Variants in WAC observed in about 807,000 individuals in gnomAD.
WAC encodes WW domain-containing adapter protein with coiled-coil.
Under a neutral mutation model 79.6 loss-of-function variants are expected in WAC, and 11 were observed. The observed-to-expected ratio is 0.14, with a 90% CI of 0.09 to 0.23. WAC has a LOEUF of 0.23. Ranked by LOEUF, WAC falls within the 10% of genes least tolerant of loss-of-function variation. The pLI, the probability that WAC is intolerant of heterozygous loss-of-function variation, is 1.00. For missense variants in WAC, 728 were observed against 773.5 expected (o/e 0.94, Z 0.70); for synonymous variants, 304 against 276.9 (o/e 1.10, Z -0.97).
At chr10:28,610,950 A>G (rs553142109) in intron 9 of WAC, 129 bp downstream of exon 9, 1 of 1,130,426 alleles carries the variant, frequency 8.8e-7, no homozygotes, top group Non-Finnish European at 1.2e-6. Context: ...AGCTACAATA[A>G]TTTTGTTTTT....
At chr10:28,584,231 ATAG>A (rs1408476251) in intron 4 of WAC, among the ~76,000 whole-genome samples, 1 of 152,206 alleles carries the variant, frequency 6.6e-6, no homozygotes, top group African/African-American at 2.4e-5. Context: ...GGTGAGGAAG[ATAG>A]TAAAGTATAA....
intron 3 of WAC, among the ~76,000 whole-genome samples, chr10:28,573,885 A>G (rs1208184981): frequency 1.3e-5 from 2 of 149,152 alleles, no homozygotes; most frequent in African/African-American, 5.0e-5. Context: ...CCTCAGCTCT[A>G]AGAAACTATT....
intron 3 of WAC, among the ~76,000 whole-genome samples, chr10:28,559,107 T>G (rs1044726053): frequency 6.9e-6 from 1 of 145,472 alleles, no homozygotes; most frequent in African/African-American, 2.6e-5. Flanking sequence ...GACAACAGAT[T>G]AGTTAAATCT....
At chr10:28,547,441 AG>A (rs1837415796) in intron 3 of WAC, among the ~76,000 whole-genome samples, 1 of 152,108 alleles carries the variant, frequency 6.6e-6, no homozygotes, top group East Asian at 1.9e-4. Flanking sequence ...AGGCTGAGGC[AG>A]GAGAATCACT....
intron 1 of WAC, 100 bp from the exon 2 acceptor site, chr10:28,533,898 G>T (rs1446159287): frequency 6.9e-7 from 1 of 1,441,952 alleles, no homozygotes; most frequent in Non-Finnish European, 9.6e-7. Context: ...CGCTCGGTAG[G>T]TCTCCCGCGG....
At chr10:28,539,970 T>C (rs1236588588) in intron 3 of WAC, among the ~76,000 whole-genome samples, 1 of 152,184 alleles carries the variant, frequency 6.6e-6, no homozygotes, top group Non-Finnish European at 1.5e-5. Flanking sequence ...TTGAAGGAAT[T>C]AGTAGGGATT....
In WAC at chr10:28,533,871, G is replaced by A; in HGVS notation, c.42-127G>A. On this transcript the variant is annotated intron_variant, in intron 1 of 13. Transcript: ENST00000354911. Reference sequence around the variant, plus strand: ...CTCCGGGTTTGTGCCGTGTGCGTGCGGGGCTCGGCGCTGGGGCGCTCGGTA... The same window carrying A: ...CTCCGGGTTTGTGCCGTGTGCGTGCAGGGCTCGGCGCTGGGGCGCTCGGTA... 9 of 1,222,152 alleles carry A rather than the reference G, an allele frequency of 7.4e-6. No individual in the cohort carries two copies. In the South Asian group the frequency reaches 8.0e-5, roughly 11 times the overall value. The allele number at this position is 1,222,152 out of a possible 1,614,324, so 75.7% of individuals were successfully genotyped here.
intron 3 of WAC, 62 bp downstream of exon 3, chr10:28,535,819 C>T (rs537448035): frequency 2.2e-5 from 30 of 1,356,744 alleles, no homozygotes; most frequent in African/African-American, 5.9e-5. Flanking sequence ...ATATAAAAGG[C>T]GGCAGTAGTA....
Position 28,581,542 on chromosome 10 carries a change from T to TTTTG in WAC, c.275-1833_275-1830dup, listed in dbSNP as rs548725389. 1.4e-3 allele frequency among the ~76,000 whole-genome samples: 207 copies of TTTTG among 152,024 alleles called. 1 individual carries two copies. The highest frequency in any genetic ancestry group is 4.4e-3 in the South Asian group (21 of 4,802). On this transcript the variant is annotated intron_variant, in intron 3 of 13. Transcript: ENST00000354911. The stretch of plus-strand genomic sequence containing the variant: ...TTAACTTTTCCTGTATACTCAGCCT[T>TTTTG]TTTGTTTGTTTGTTTGTTTGTTTGT...
At chr10:28,597,539 C>T (rs1840443147) in intron 7 of WAC, among the ~76,000 whole-genome samples, 1 of 152,150 alleles carries the variant, frequency 6.6e-6, no homozygotes, top group Non-Finnish European at 1.5e-5. Context: ...TTCCTGCTTA[C>T]ATATCAGCAT....
intron 10 of WAC, among the ~76,000 whole-genome samples, chr10:28,612,744 G>C (rs1299054443): frequency 6.6e-6 from 1 of 152,094 alleles, no homozygotes; most frequent in Admixed American, 6.6e-5. Flanking sequence ...GCATGTTTTA[G>C]GGTCAATTTA....
chr10:28,581,087 A>T (rs1349590489), intron 3 of WAC, among the ~76,000 whole-genome samples: 12 of 152,078 alleles, frequency 7.9e-5, no homozygotes. Flanking sequence ...AGCTCACTAG[A>T]GATTTAGTGT....
In WAC at chr10:28,614,701, A is replaced by T. The variant is rs747328430; in HGVS notation, c.1556+16A>T. 6.4e-6 allele frequency: 10 copies of T among 1,565,778 alleles called. No individual in the cohort carries two copies. The highest frequency in any genetic ancestry group is 3.3e-5 in the South Asian group (3 of 89,716). ...AGCGCTCAAGGTAGGTTGATATTGT[A>T]TATTGAGACCACATTGTTTTATTTA... On this transcript the variant is annotated intron_variant, in intron 11 of 13. Coordinates refer to ENST00000354911, the MANE Select transcript of WAC (RefSeq NM_016628.5).
chr10:28,617,613 G>A lies in WAC; in HGVS notation c.1747-44G>A, dbSNP rs769871701. 2.5e-5 allele frequency: 37 copies of A among 1,497,452 alleles called. 1 individual carries two copies. In the South Asian group the frequency reaches 5.0e-4, roughly 20 times the overall value. The allele number at this position is 1,497,452 out of a possible 1,614,324, so 92.8% of individuals were successfully genotyped here. A position where few individuals can be genotyped will look rare whatever the true frequency, so the allele number is the denominator to read the frequency against. On this transcript the variant is annotated intron_variant, in intron 12 of 13. Transcript: ENST00000354911. ...AAATTTAATGTTTTATTTTGTGTAT[G>A]TTAATGTTTATATTTTATGTTTTCT...
At chr10:28,536,990 C>G (rs2132316764) in intron 3 of WAC, among the ~76,000 whole-genome samples, 1 of 152,286 alleles carries the variant, frequency 6.6e-6, no homozygotes, top group Admixed American at 6.5e-5. Flanking sequence ...CATCTTGCCC[C>G]TTTTGTCCAC....
intron 3 of WAC, among the ~76,000 whole-genome samples, chr10:28,567,661 C>T (rs1476240970): frequency 6.6e-6 from 1 of 152,202 alleles, no homozygotes; most frequent in Non-Finnish European, 1.5e-5. Context: ...TCTCTCCCAC[C>T]TCTTCTGCCT....
At position 28,596,015 on chromosome 10, in the gene WAC, T is replaced by A; in HGVS notation, c.893T>A (p.Val298Asp). The A allele has an allele frequency of 6.2e-7, 1 of 1,613,962 alleles. No individual in the cohort carries two copies. The highest frequency in any genetic ancestry group is 8.5e-7 in the Non-Finnish European group (1 of 1,179,922). Residue 298 changes from valine (V) to aspartate (D), a missense_variant, in exon 7 of 14, where the codon GTC (valine) becomes GAC (aspartate). By Grantham distance (152) the Val-to-Asp change is radical. Transcript: ENST00000354911. The part of the protein sequence containing the change: ...LSKLPTPTSS[V>D]PAQKTERKES... ...AAACTGCCTACACCCACATCTTCTG[T>A]CCCTGCACAGAAAACAGAAAGAAAA... is the stretch of plus-strand genomic sequence containing the variant.
rs767225783 is a variant in WAC at position 28,533,998 on chromosome 10, C to G, written c.42C>G (p.Gly14=). The change falls in exon 2 of 14, where the codon GGC becomes GGG. Residue 14 remains glycine, a splice_region_variant and synonymous_variant. Transcript: ENST00000354911. ...YARKQQRLSD[G]CHDRRGDSQP... ...GCTGCCTTCTCTTCCTGTTTTTCAG[C>G]TGTCACGACCGGAGGGGGGACTCGC... The G allele has an allele frequency of 1.2e-6, 2 of 1,604,210 alleles. No individual in the cohort carries two copies. The highest frequency in any genetic ancestry group is 8.5e-7 in the Non-Finnish European group (1 of 1,175,568).
chr10:28,578,328 T>C (rs1839356595), intron 3 of WAC, among the ~76,000 whole-genome samples: 1 of 152,216 alleles, frequency 6.6e-6, no homozygotes, highest in Non-Finnish European at 1.5e-5. Context: ...TAGATGTCTT[T>C]GAATTATTTC....
Sources: gnomAD v4.1 joint callset for allele counts (sites outside exome capture counted in the v4.1 genomes callset) on GRCh38, gnomAD v4.1.1 for gene constraint, MANE v1.5 for transcripts, NCBI Gene and HGNC (gene_info 2026-07-23, HGNC 2026-07-21) for gene names.